The following FREM1 variants were observed in gnomAD, a reference collection of about 807,000 sequenced individuals.
FREM1 encodes FRAS1 related extracellular matrix 1.
Under a neutral mutation model 210.1 loss-of-function variants are expected in FREM1, and 220 were observed. That is an observed-to-expected ratio of 1.05 (90% CI 0.94 to 1.17). The LOEUF (loss-of-function observed/expected upper bound fraction) is 1.17. Ranked by LOEUF, FREM1 falls within the 50% of genes most tolerant of loss-of-function variation. FREM1 has a pLI of 0.00. For missense variants in FREM1, 3,454 were observed against 2,675.5 expected (o/e 1.29, Z -6.42); for synonymous variants, 1,189 against 980.2 (o/e 1.21, Z -3.98).
At chr9:14,784,689 C>T (rs1040427870) in intron 23 of FREM1, 55 bp from the exon 24 acceptor site, 37 of 1,364,598 alleles carry the variant, frequency 2.7e-5, no homozygotes, top group Non-Finnish European at 3.5e-5. Flanking sequence ...ACATTATGTC[C>T]AAGGCAAAGG....
intron 29 of FREM1, among the ~76,000 whole-genome samples, chr9:14,754,098 A>G (rs1843846387): frequency 6.6e-6 from 1 of 152,166 alleles, no homozygotes; most frequent in Non-Finnish European, 1.5e-5. Flanking sequence ...AGAGCACCTG[A>G]TGGGCTCCTG....
At chr9:14,743,431 A>G (rs935452551) in intron 35 of FREM1, among the ~76,000 whole-genome samples, 2 of 152,122 alleles carry the variant, frequency 1.3e-5, no homozygotes, top group African/African-American at 4.8e-5. Context: ...TTTCATAAAA[A>G]GTAGTTTTTG....
At chr9:14,898,194 T>C (rs114394382) in intron 1 of FREM1, among the ~76,000 whole-genome samples, 2,623 of 152,298 alleles carry the variant, frequency 0.017, 34 homozygotes, top group African/African-American at 0.034. Flanking sequence ...CTATTCTTCC[T>C]TGGGCTCTGT....
At chr9:14,864,521 A>T (rs1241763503) in intron 2 of FREM1, among the ~76,000 whole-genome samples, 1 of 152,256 alleles carries the variant, frequency 6.6e-6, no homozygotes, top group Non-Finnish European at 1.5e-5. Flanking sequence ...GAAATGGCAG[A>T]TGAGAAAAAC....
chr9:14,855,117 T>G (rs1264137604), intron 5 of FREM1, among the ~76,000 whole-genome samples: 3 of 152,070 alleles, frequency 2.0e-5, no homozygotes, highest in Admixed American at 2.0e-4. Flanking sequence ...ATGAAAATTT[T>G]GAAGAGAAGT....
At chr9:14,838,694 T>G (rs1200116874) in intron 10 of FREM1, among the ~76,000 whole-genome samples, 1 of 152,214 alleles carries the variant, frequency 6.6e-6, no homozygotes, top group Non-Finnish European at 1.5e-5. Flanking sequence ...CAATAAGCAG[T>G]TTGTAAGGGT....
chr9:14,775,404 G>C (rs575345098), intron 25 of FREM1, among the ~76,000 whole-genome samples: 2 of 152,148 alleles, frequency 1.3e-5, no homozygotes, highest in East Asian at 3.9e-4. Flanking sequence ...AAGAGGAAAA[G>C]AAATTAAAAA....
intron 6 of FREM1, chr9:14,850,679 G>GTC (rs1167785684): frequency 1.3e-5 from 2 of 152,330 alleles, no homozygotes; most frequent in Non-Finnish European, 2.9e-5. Context: ...GTTTACCTAT[G>GTC]TAACACACCT....
chr9:14,807,168 G>A (rs577432081), intron 17 of FREM1, among the ~76,000 whole-genome samples: 13 of 152,282 alleles, frequency 8.5e-5, no homozygotes, highest in Non-Finnish European at 1.6e-4. Flanking sequence ...TTTCCCTTGT[G>A]TCTCTATGGA....
chr9:14,900,648 G>T (rs1295276215), intron 1 of FREM1, among the ~76,000 whole-genome samples: 1 of 152,176 alleles, frequency 6.6e-6, no homozygotes, highest in East Asian at 1.9e-4. Flanking sequence ...ACAAGGTAAA[G>T]AAAGACAGGA....
Position 14,747,317 on chromosome 9 carries a change from G to A in FREM1, c.5956C>T (p.Leu1986=), listed in dbSNP as rs375669260. 1.2e-4 allele frequency: 197 copies of A among 1,613,708 alleles called. No homozygotes were observed. Among genetic ancestry groups the A allele is most frequent in the South Asian group, 6.3e-4 (57 of 91,008 alleles). The change falls in exon 33 of 37, where the codon CTG becomes TTG. Residue 1986 remains leucine (L), a synonymous_variant. Transcript: ENST00000380880. ...GATTCCACCTTATCTGCTTGAGGCA[G>A]TTCTGCCACTTTGATTGTCTTTTGT... is the stretch of plus-strand genomic sequence containing the variant. ...QPQKTIKVAE[L]PQADKVESTT... is the part of the protein sequence containing the mutation.
Position 14,848,755 on chromosome 9 carries a change from C to T in FREM1, c.1171G>A (p.Asp391Asn), listed in dbSNP as rs1169108690. 29 of 1,609,166 alleles carry T rather than the reference C, an allele frequency of 1.8e-5. No individual in the cohort carries two copies. Among genetic ancestry groups the T allele is most frequent in the South Asian group, 1.2e-4 (11 of 90,924 alleles). ...RHDEVELEVY[D>N]FFFERSAPMT... ...GGTGCACTCCTTTCAAAGAAGAAGT[C>T]GTATACCTCCAATTCTACCTGTAAA... Residue 391 changes from aspartate (D) to asparagine (N), a missense_variant, in exon 7 of 37, where the codon GAC becomes AAC. Asp to Asn is a conservative substitution (Grantham distance 23). Coordinates refer to ENST00000380880, the MANE Select transcript of FREM1 (RefSeq NM_001379081.2).
At position 14,848,641 on chromosome 9, in the gene FREM1, T is replaced by G. The variant is rs762082330; in HGVS notation, c.1261+24A>C. On this transcript the variant is annotated intron_variant, in intron 7 of 36. Transcript: ENST00000380880. ...TGTATTCCCTTCAGGGCTATGTTGC[T>G]CTATGCCTTATATTGAGCTTTACCT... The G allele has an allele frequency of 2.2e-6, 3 of 1,388,614 alleles. No homozygotes were observed. In the South Asian group the frequency reaches 3.5e-5, roughly 16 times the overall value. 86.0% of individuals were successfully genotyped at this position (1,388,614 alleles called of 1,614,324 possible). A position where few individuals can be genotyped will look rare whatever the true frequency, so the allele number is the denominator to read the frequency against.
At chr9:14,806,420 T>A (rs2133404814) in intron 18 of FREM1, among the ~76,000 whole-genome samples, 1 of 152,202 alleles carries the variant, frequency 6.6e-6, no homozygotes, top group African/African-American at 2.4e-5. Flanking sequence ...CACACCTGGC[T>A]AATTTTTTAT....
chr9:14,746,304 G>T (rs749301311), intron 35 of FREM1, 49 bp downstream of exon 35: 1 of 1,320,020 alleles, frequency 7.6e-7, no homozygotes, highest in South Asian at 1.2e-5. Flanking sequence ...AGCAAATAGA[G>T]AAATAGAGAA....
chr9:14,786,526 C>A (rs1850450460), intron 23 of FREM1, among the ~76,000 whole-genome samples: 1 of 152,102 alleles, frequency 6.6e-6, no homozygotes. Flanking sequence ...TTTTGCTCCC[C>A]AAGGGACATT....
chr9:14,754,522 C>T (rs1052428597), intron 29 of FREM1, among the ~76,000 whole-genome samples: 27 of 152,240 alleles, frequency 1.8e-4, no homozygotes, highest in Non-Finnish European at 3.4e-4. Context: ...GTCCTCACTC[C>T]CAGTACCTCT....
At chr9:14,750,747 G>A (rs972793628) in intron 29 of FREM1, among the ~76,000 whole-genome samples, 1 of 152,168 alleles carries the variant, frequency 6.6e-6, no homozygotes, top group African/African-American at 2.4e-5. Context: ...AAAGACAGCT[G>A]CCTGCATCGG....
chr9:14,861,158 T>C (rs538914250), intron 3 of FREM1, among the ~76,000 whole-genome samples: 1 of 115,254 alleles, frequency 8.7e-6, no homozygotes, highest in Admixed American at 9.2e-5. Context: ...CATATATACG[T>C]ATATACACAT....
Sources: allele counts gnomAD v4.1 joint callset (sites outside exome capture counted in the v4.1 genomes callset), GRCh38; gene constraint gnomAD v4.1.1; transcripts MANE v1.5; gene names NCBI Gene and HGNC (gene_info 2026-07-23, HGNC 2026-07-21).